SLFN12: variants seen among roughly 807,000 people sequenced by gnomAD.
SLFN12 encodes the protein schlafen family member 12, also known as ribonuclease SLFN12.
SLFN12 carries 25 observed loss-of-function variants against 29.1 expected under a neutral mutation model. The ratio of observed to expected loss-of-function variants is 0.86; its 90% CI spans 0.63 to 1.20. SLFN12 has a LOEUF of 1.20. Among genes scored for constraint, SLFN12 ranks in the 50% most tolerant of loss-of-function variants. The pLI, the probability that SLFN12 is intolerant of heterozygous loss-of-function variation, is 0.00. For synonymous variants in SLFN12, 257 were observed against 238.7 expected (o/e 1.08, Z -0.71); for missense variants, 660 against 666.2 (o/e 0.99, Z 0.10).
intron 3 of SLFN12, among the ~76,000 whole-genome samples, chr17:35,416,408 G>A (rs1471609798): frequency 6.6e-6 from 1 of 152,086 alleles, no homozygotes; most frequent in African/African-American, 2.4e-5. Context: ...AGTGTACATT[G>A]CTCAGGTGAT....
At position 35,420,291 on chromosome 17, in the gene SLFN12, T is replaced by C. The variant is rs1323571445; in HGVS notation, c.1130A>G (p.Gln377Arg). The C allele has an allele frequency of 1.2e-6, 2 of 1,612,516 alleles. No individual in the cohort carries two copies. Among genetic ancestry groups the C allele is most frequent in the Non-Finnish European group, 1.7e-6 (2 of 1,178,798 alleles). ...GAAATTACCTGGACAGTGATGTCTCTGCCGTTGCCATTCCAAAAGAGGCCA... is the reference window on the plus strand; with the variant it reads ...GAAATTACCTGGACAGTGATGTCTCCGCCGTTGCCATTCCAAAAGAGGCCA... ...HSWPLLEWQR[Q>R]RHHCPGLSGR... Residue 377 changes from glutamine to arginine, a missense_variant, in exon 3 of 4, where the codon CAG becomes CGG. Physicochemically the swap from Gln to Arg is conservative, Grantham distance 43 (BLOSUM62 1). Coordinates refer to ENST00000304905, the MANE Select transcript of SLFN12 (RefSeq NM_018042.5).
chr17:35,427,621 T>C (rs969361428), intron 1 of SLFN12, among the ~76,000 whole-genome samples: 1 of 149,392 alleles, frequency 6.7e-6, no homozygotes, highest in South Asian at 2.1e-4. Flanking sequence ...TGAATCTTGC[T>C]TTTCCATGTA....
intron 3 of SLFN12, among the ~76,000 whole-genome samples, chr17:35,412,707 C>A (rs942331043): frequency 6.6e-6 from 1 of 151,456 alleles, no homozygotes; most frequent in Non-Finnish European, 1.5e-5. Context: ...TAAAAAATTA[C>A]GAGACAGAAT....
Position 35,417,102 on chromosome 17 carries a change from G to A in SLFN12, c.1147+3172C>T, listed in dbSNP as rs573493778. On this transcript the variant is annotated intron_variant, in intron 3 of 3. Transcript: ENST00000304905. ...TTAATACAAATACTAGACAAAGAAA[G>A]AGAGAAAACTATTCTTAGACCTTGT... Among the ~76,000 whole-genome samples the A allele has an allele frequency of 5.3e-5, 8 of 152,138 alleles. No homozygotes were observed. The South Asian group carries it at 8.3e-4, about 16-fold the overall frequency.
chr17:35,422,554 T>C lies in SLFN12; in HGVS notation c.475A>G (p.Arg159Gly), dbSNP rs1318175314. ...GGCCTCTTTGCCAGCAATTCTGGTC[T>C]TAAATACAATCTCCCTCTAGTCTTT... is the stretch of plus-strand genomic sequence containing the variant. Reference protein sequence around the residue: ...MKKTRGRLYLRPELLAKRPCV... With the variant: ...MKKTRGRLYLGPELLAKRPCV... Residue 159 changes from arginine (R) to glycine (G), a missense_variant, in exon 2 of 4, where the codon AGA (arginine) becomes GGA (glycine). By Grantham distance (125) the Arg-to-Gly change is moderately radical. Transcript: ENST00000304905. 11 of 1,614,010 alleles carry C rather than the reference T, an allele frequency of 6.8e-6. No homozygotes were observed. Among genetic ancestry groups the C allele is most frequent in the Non-Finnish European group, 9.3e-6 (11 of 1,180,014 alleles).
intron 3 of SLFN12, among the ~76,000 whole-genome samples, chr17:35,413,253 C>T (rs1911130307): frequency 6.7e-6 from 1 of 150,122 alleles, no homozygotes; most frequent in African/African-American, 2.5e-5. Flanking sequence ...AAGAGTATAC[C>T]AATCCTTCTC....
chr17:35,422,690 G>A lies in SLFN12; in HGVS notation c.339C>T (p.Asn113=), dbSNP rs746141343. The A allele has an allele frequency of 1.2e-6, 2 of 1,614,122 alleles. No individual in the cohort carries two copies. The highest frequency in any genetic ancestry group is 2.2e-5 in the East Asian group (1 of 44,886). The stretch of plus-strand genomic sequence containing the variant: ...AGGTGGTAATCCGCAGACCAGAGGT[G>A]TTCAAGCTCCATGACTTCACAAAAA... ...FLIFVKSWSL[N]TSGLRITTLS... is the part of the protein sequence containing the mutation. The change falls in exon 2 of 4, where the codon AAC becomes AAT. Residue 113 remains asparagine, a synonymous_variant. Coordinates refer to ENST00000304905, the MANE Select transcript of SLFN12 (RefSeq NM_018042.5).
Position 35,423,019 on chromosome 17 carries a change from T to C in SLFN12, c.10A>G (p.Ser4Gly), listed in dbSNP as rs745864273. Residue 4 changes from serine (S) to glycine (G), a missense_variant, in exon 2 of 4, where the codon AGT becomes GGT. Ser to Gly is a moderately conservative substitution (Grantham distance 56). Transcript: ENST00000304905. The stretch of plus-strand genomic sequence containing the variant: ...GCATAATTCGTTTCCAAATCAACAC[T>C]GATGTTCATTTTCCCAGCAGCTATG... MNI[S>G]VDLETNYAEL... is the part of the protein sequence containing the mutation. The C allele has an allele frequency of 6.2e-7, 1 of 1,608,790 alleles. No homozygotes were observed. Among genetic ancestry groups the C allele is most frequent in the Non-Finnish European group, 8.5e-7 (1 of 1,177,348 alleles).
chr17:35,424,489 G>A (rs1435528838), intron 1 of SLFN12, among the ~76,000 whole-genome samples: 1 of 152,148 alleles, frequency 6.6e-6, no homozygotes, highest in Non-Finnish European at 1.5e-5. Flanking sequence ...TAACTTAAGT[G>A]TAACTTTTAA....
intron 3 of SLFN12, among the ~76,000 whole-genome samples, chr17:35,413,252 C>T (rs899528249): frequency 6.6e-6 from 1 of 150,432 alleles, no homozygotes; most frequent in South Asian, 2.1e-4. Flanking sequence ...CAAGAGTATA[C>T]CAATCCTTCT....
At chr17:35,424,759 T>C (rs914943816) in intron 1 of SLFN12, among the ~76,000 whole-genome samples, 1 of 152,126 alleles carries the variant, frequency 6.6e-6, no homozygotes, top group African/African-American at 2.4e-5. Flanking sequence ...ACAGTTGGGG[T>C]TGAATCCTTT....
In SLFN12 at chr17:35,411,610, T is replaced by C; in HGVS notation, c.1465A>G (p.Lys489Glu). 3 of 1,614,108 alleles carry C rather than the reference T, an allele frequency of 1.9e-6. No individual in the cohort carries two copies. The East Asian group carries it at 6.7e-5, about 36-fold the overall frequency. The change falls in exon 4 of 4, where the codon AAA becomes GAA. Residue 489 changes from lysine to glutamate, a missense_variant. Lys to Glu is a moderately conservative substitution (Grantham distance 56). Transcript: ENST00000304905. ...ATCTTTGTCATGACACACACTTTTT[T>C]AGTGTAACCACCAATTTTTGCCAGC... ...QKLAKIGGYTKKVCVMTKIFY... is the reference protein window; with the variant it reads ...QKLAKIGGYTEKVCVMTKIFY...
chr17:35,421,943 G>A, intron 2 of SLFN12, 47 bp downstream of exon 2: 2 of 1,582,118 alleles, frequency 1.3e-6, no homozygotes, highest in South Asian at 1.2e-5. Flanking sequence ...AAACCTCCCT[G>A]CCACCCAAGC....
Position 35,421,870 on chromosome 17 carries a change from G to C in SLFN12, c.1039+120C>G. 3.8e-6 allele frequency: 5 copies of C among 1,308,846 alleles called. No homozygotes were observed. The South Asian group carries it at 7.6e-5, about 20-fold the overall frequency. 81.1% of individuals were successfully genotyped at this position (1,308,846 alleles called of 1,614,324 possible). The stretch of plus-strand genomic sequence containing the variant: ...AGGGAACTATTGATTGTATCCACCA[G>C]GGATTAATAGTTTAGGTGCTGAAAT... On this transcript the variant is annotated intron_variant, in intron 2 of 3. Coordinates refer to ENST00000304905, the MANE Select transcript of SLFN12 (RefSeq NM_018042.5).
At position 35,422,269 on chromosome 17, in the gene SLFN12, T is replaced by C. The variant is rs111324869; in HGVS notation, c.760A>G (p.Met254Val). The C allele has an allele frequency of 1.4e-4, 230 of 1,614,076 alleles. 1 individual carries two copies. In the African/African-American group the frequency reaches 2.6e-3, roughly 18 times the overall value. Residue 254 changes from methionine (M) to valine (V), a missense_variant, in exon 2 of 4, where the codon ATG becomes GTG. Coordinates refer to ENST00000304905, the MANE Select transcript of SLFN12 (RefSeq NM_018042.5). ...DKEIIGFKAE[M>V]SDLDDLEREI... ...CTTTCTAAGTCATCGAGGTCACTCA[T>C]CTCTGCTTTAAAGCCAATTATTTCT... is the stretch of plus-strand genomic sequence containing the variant.
chr17:35,425,775 G>C (rs1911975494), intron 1 of SLFN12, among the ~76,000 whole-genome samples: 1 of 145,692 alleles, frequency 6.9e-6, no homozygotes, highest in Non-Finnish European at 1.5e-5. Flanking sequence ...ATTCCCTCTG[G>C]ATATTTATCC....
At position 35,420,337 on chromosome 17, in the gene SLFN12, A is replaced by G; in HGVS notation, c.1084T>C (p.Ser362Pro). 1 of 1,613,916 alleles carries G rather than the reference A, an allele frequency of 6.2e-7. No individual in the cohort carries two copies. The highest frequency in any genetic ancestry group is 1.1e-5 in the South Asian group (1 of 91,080). The change falls in exon 3 of 4, where the codon TCA becomes CCA. Residue 362 changes from serine (S) to proline (P), a missense_variant. Coordinates refer to ENST00000304905, the MANE Select transcript of SLFN12 (RefSeq NM_018042.5). ...YEEVISQINTSLPAPHSWPLL... is the reference protein window; with the variant it reads ...YEEVISQINTPLPAPHSWPLL... ...GGCCAACTGTGGGGAGCAGGTAATG[A>G]CGTATTTATTTGAGAGATCACCTCT...
At position 35,431,141 on chromosome 17, in the gene SLFN12, T is replaced by C. The variant is rs941378040; in HGVS notation, c.-41+1047A>G. Among the ~76,000 whole-genome samples, 8 of 152,300 alleles carry C rather than the reference T, an allele frequency of 5.3e-5. No individual in the cohort carries two copies. In the Middle Eastern group the frequency reaches 0.01, roughly 194 times the overall value. ...TAAAATCCCTTTGTAAATGTTTAAATGGCCCATCGGGTAGCCAAATGTACC... is the reference window on the plus strand; with the variant it reads ...TAAAATCCCTTTGTAAATGTTTAAACGGCCCATCGGGTAGCCAAATGTACC... On this transcript the variant is annotated intron_variant, in intron 1 of 3. Transcript: ENST00000304905.
intron 3 of SLFN12, among the ~76,000 whole-genome samples, chr17:35,418,366 T>C (rs62081004): frequency 0.018 from 2,667 of 152,124 alleles, 34 homozygotes; most frequent in South Asian, 0.037. Flanking sequence ...CACCCCAAGA[T>C]AGCAAGACCA....
Sources: gnomAD v4.1 joint callset for allele counts (sites outside exome capture counted in the v4.1 genomes callset) on GRCh38, gnomAD v4.1.1 for gene constraint, MANE v1.5 for transcripts, NCBI Gene and HGNC (gene_info 2026-07-23, HGNC 2026-07-21) for gene names.